HELLS: variants seen among roughly 807,000 people sequenced by gnomAD.
HELLS encodes the protein lymphoid-specific helicase.
Under a neutral mutation model 120.0 loss-of-function variants are expected in HELLS, and 32 were observed. The observed-to-expected ratio is 0.27, with a 90% confidence interval of 0.20 to 0.36. The LOEUF is 0.36. HELLS is among the 10% of genes least tolerant of loss of function. The probability of loss-of-function intolerance (pLI) is 1.00; values close to 1 mark genes in which losing one functional copy is unlikely to be tolerated. For synonymous variants in HELLS, 341 were observed against 323.4 expected, an observed-to-expected ratio of 1.05 and a Z score of -0.58; for missense variants, 650 against 993.4, an observed-to-expected ratio of 0.65 and a Z score of 4.65.
intron 21 of HELLS, among the ~76,000 whole-genome samples, chr10:94,600,337 CTGT>C (rs1048694898): frequency 5.3e-5 from 8 of 150,578 alleles, no homozygotes; most frequent in African/African-American, 2.0e-4. Flanking sequence ...GTAAAACAGA[CTGT>C]TGTTAAAATT....
chr10:94,560,257 C>G (rs1487725895), intron 4 of HELLS, among the ~76,000 whole-genome samples: 3 of 152,138 alleles, frequency 2.0e-5, no homozygotes, highest in African/African-American at 7.2e-5. Context: ...GTCTTGAACT[C>G]CTGATCTTGT....
chr10:94,598,431 A>G (rs1845847311), intron 21 of HELLS, among the ~76,000 whole-genome samples: 1 of 152,140 alleles, frequency 6.6e-6, no homozygotes, highest in Admixed American at 6.5e-5. Context: ...GTAAGCTGGG[A>G]TTATAGGCAT....
intron 15 of HELLS, 82 bp downstream of exon 15, chr10:94,590,858 A>ACTT: frequency 1.4e-6 from 1 of 728,572 alleles, no homozygotes; most frequent in Non-Finnish European, 2.1e-6. Flanking sequence ...TTTTGATTAT[A>ACTT]ATTATTAAAA....
At chr10:94,576,327 T>A (rs543722901) in intron 9 of HELLS, among the ~76,000 whole-genome samples, 1 of 152,170 alleles carries the variant, frequency 6.6e-6, no homozygotes, top group Non-Finnish European at 1.5e-5. Flanking sequence ...AATTTTTGTA[T>A]TTTTTGTAGA....
At chr10:94,582,433 G>T (rs1391081782) in intron 11 of HELLS, among the ~76,000 whole-genome samples, 2 of 152,002 alleles carry the variant, frequency 1.3e-5, no homozygotes, top group Non-Finnish European at 2.9e-5. Context: ...CCAGAATTGG[G>T]TATAATGTTA....
chr10:94,573,207 C>T (rs1844265376), intron 7 of HELLS, among the ~76,000 whole-genome samples: 1 of 152,196 alleles, frequency 6.6e-6, no homozygotes. Context: ...ATCTGCCTGC[C>T]TTGGCCTCCC....
At chr10:94,567,676 T>C (rs1843891197) in intron 6 of HELLS, among the ~76,000 whole-genome samples, 1 of 151,962 alleles carries the variant, frequency 6.6e-6, no homozygotes, top group Non-Finnish European at 1.5e-5. Flanking sequence ...GAGGCCAGGG[T>C]GAGAGGATCA....
At chr10:94,608,498 G>T (rs963785689) in intron 9 of HELLS, among the ~76,000 whole-genome samples, 5 of 152,160 alleles carry the variant, frequency 3.3e-5, no homozygotes, top group African/African-American at 1.2e-4. Context: ...ATGAGTGGTT[G>T]TCATGCTAAA....
chr10:94,600,725 T>C (rs1845994132), intron 21 of HELLS, among the ~76,000 whole-genome samples: 1 of 152,182 alleles, frequency 6.6e-6, no homozygotes, highest in Non-Finnish European at 1.5e-5. Flanking sequence ...AGGTAGAATT[T>C]TAACCTAAAA....
In HELLS at chr10:94,601,982, A is replaced by C. The variant is rs1846056671; in HGVS notation, c.*360A>C. ...ATGGGCTTTAGGTACTTCAGTTATG[A>C]AGTAGGCTTTTCATGGGGAGAGATT... On this transcript the variant is annotated 3_prime_UTR_variant, in exon 22 of 22. Transcript: ENST00000348459. The C allele has an allele frequency of 6.4e-6, 1 of 155,082 alleles. No homozygotes were observed. The highest frequency in any genetic ancestry group is 1.9e-4 in the East Asian group (1 of 5,278). 9.6% of individuals were successfully genotyped at this position (155,082 alleles called of 1,614,324 possible). A position where few individuals can be genotyped will look rare whatever the true frequency, so the allele number is the denominator to read the frequency against.
At chr10:94,603,721 ATTC>A (rs1846092330), downstream of HELLS, among the ~76,000 whole-genome samples, 1 of 152,180 alleles carries the variant, frequency 6.6e-6, no homozygotes, top group Non-Finnish European at 1.5e-5. Flanking sequence ...TGACAACTTT[ATTC>A]TTCCAGTTAT....
chr10:94,549,401 A>C (rs1212822401), intron 2 of HELLS, among the ~76,000 whole-genome samples: 2 of 152,226 alleles, frequency 1.3e-5, no homozygotes, highest in African/African-American at 4.8e-5. Flanking sequence ...AATGACTTTG[A>C]CATTCATTGG....
chr10:94,586,736 G>T (rs1237165673), intron 12 of HELLS, among the ~76,000 whole-genome samples: 3 of 152,030 alleles, frequency 2.0e-5, no homozygotes, highest in Non-Finnish European at 2.9e-5. Context: ...CTGTCGCCCA[G>T]GCTAGGGTGC....
At chr10:94,599,698 G>C (rs1306785534) in intron 21 of HELLS, among the ~76,000 whole-genome samples, 1 of 152,104 alleles carries the variant, frequency 6.6e-6, no homozygotes, top group Non-Finnish European at 1.5e-5. Context: ...AGGGAATCCA[G>C]AATCTTTTAA....
intron 12 of HELLS, among the ~76,000 whole-genome samples, chr10:94,584,798 A>T (rs762104516): frequency 6.6e-6 from 1 of 152,134 alleles, no homozygotes; most frequent in Non-Finnish European, 1.5e-5. Flanking sequence ...TAATATTAAG[A>T]TATGATAATG....
At chr10:94,561,647 A>G (rs1843558188) in intron 4 of HELLS, among the ~76,000 whole-genome samples, 1 of 151,882 alleles carries the variant, frequency 6.6e-6, no homozygotes, top group Non-Finnish European at 1.5e-5. Context: ...CGCATTTTTT[A>G]TAGAGGTGGG....
intron 12 of HELLS, chr10:94,584,213 G>A (rs1421813137): frequency 2.3e-6 from 1 of 444,006 alleles, no homozygotes; most frequent in Admixed American, 4.4e-5. Context: ...AGTTCCTTGT[G>A]GCCATATTCC....
intron 11 of HELLS, 56 bp from the exon 12 acceptor site, chr10:94,582,907 C>T (rs772782905): frequency 1.1e-6 from 1 of 899,170 alleles, no homozygotes. Context: ...AATCATGTAT[C>T]ATGTTGACAT....
intron 12 of HELLS, chr10:94,583,854 TATC>T (rs1844993129): frequency 2.5e-6 from 1 of 393,486 alleles, no homozygotes. Flanking sequence ...AGCTGCTTAT[TATC>T]CCATTGTCTT....
Sources: allele counts gnomAD v4.1 joint callset (sites outside exome capture counted in the v4.1 genomes callset), GRCh38; gene constraint gnomAD v4.1.1; transcripts MANE v1.5; gene names NCBI Gene and HGNC (gene_info 2026-07-23, HGNC 2026-07-21).